NCALD: variants seen among roughly 807,000 people sequenced by gnomAD.
NCALD encodes the protein neurocalcin-delta.
In NCALD, 10 loss-of-function variants were observed where a neutral mutation model predicts 18.6. That is an observed-to-expected ratio of 0.54 (90% CI 0.33 to 0.91). NCALD has a LOEUF of 0.91. Ranked by LOEUF, NCALD falls within the 40% of genes least tolerant of loss-of-function variation. The pLI is 0.03. For synonymous variants in NCALD, 88 were observed against 87.4 expected, an observed-to-expected ratio of 1.01 and a Z score of -0.04; for missense variants, 184 against 247.6, an observed-to-expected ratio of 0.74 and a Z score of 1.72.
At position 101,804,336 on chromosome 8, in the gene NCALD, C is replaced by A. The variant is rs867551304; in HGVS notation, c.-20+82805G>T. 7.2e-4 allele frequency among the ~76,000 whole-genome samples: 94 copies of A among 131,094 alleles called. No individual in the cohort carries two copies. In the East Asian group the frequency reaches 9.4e-3, roughly 13 times the overall value. The allele number at this position is 131,094 out of a possible 152,430, so 86.0% of individuals were successfully genotyped here. A position where few individuals can be genotyped will look rare whatever the true frequency, so the allele number is the denominator to read the frequency against. On this transcript the variant is annotated intron_variant, in intron 4 of 6. Coordinates refer to the NCALD transcript ENST00000311028. The stretch of plus-strand genomic sequence containing the variant: ...AATTATATATTATATATAATTATAT[C>A]AATTATATATTATATATAATTATAT...
At chr8:101,887,998 A>G (rs886094956) in intron 3 of NCALD, among the ~76,000 whole-genome samples, 11 of 152,146 alleles carry the variant, frequency 7.2e-5, no homozygotes, top group African/African-American at 2.7e-4. Flanking sequence ...AAGATCATAT[A>G]TCTATCATCC....
At chr8:101,751,383 G>T (rs1049228156) in intron 1 of NCALD, among the ~76,000 whole-genome samples, 43 of 152,258 alleles carry the variant, frequency 2.8e-4, no homozygotes, top group African/African-American at 1.0e-3. Flanking sequence ...TGTTTCACAG[G>T]TACATAGTTT....
At chr8:102,041,432 AG>A in intron 1 of NCALD, among the ~76,000 whole-genome samples, 1 of 152,262 alleles carries the variant, frequency 6.6e-6, no homozygotes, top group Middle Eastern at 3.2e-3. Context: ...AAATGCCTGC[AG>A]GATGTGTGCA....
intron 2 of NCALD, among the ~76,000 whole-genome samples, chr8:101,924,659 G>C (rs1242973676): frequency 6.6e-6 from 1 of 152,204 alleles, no homozygotes; most frequent in African/African-American, 2.4e-5. Context: ...GGACCAGAGA[G>C]CTGTGTCAAT....
In NCALD at chr8:101,697,293, G is replaced by A. The variant is rs573244983; in HGVS notation, c.379-4397C>T. Among the ~76,000 whole-genome samples the A allele has an allele frequency of 2.7e-3, 408 of 152,256 alleles. 1 individual carries two copies. Among genetic ancestry groups the A allele is most frequent in the Non-Finnish European group, 3.5e-3 (235 of 68,016 alleles). ...ACCAATAACAAGTTCTGAAATTGAG[G>A]CAGTAATTAATAGCCTACCAACCTA... On this transcript the variant is annotated intron_variant, in intron 2 of 3. Coordinates refer to ENST00000220931, the MANE Select transcript of NCALD (RefSeq NM_032041.3).
chr8:101,967,444 C>A (rs1261076643), intron 2 of NCALD, among the ~76,000 whole-genome samples: 1 of 152,058 alleles, frequency 6.6e-6, no homozygotes, highest in Admixed American at 6.5e-5. Context: ...CCTGAGAAAC[C>A]CTTGTTCGGA....
At chr8:101,829,580 C>T (rs1814083577) in intron 4 of NCALD, among the ~76,000 whole-genome samples, 2 of 152,054 alleles carry the variant, frequency 1.3e-5, no homozygotes, top group South Asian at 4.1e-4. Flanking sequence ...CCTAGGTTTT[C>T]CATAAAACAT....
intron 1 of NCALD, among the ~76,000 whole-genome samples, chr8:101,780,296 A>C (rs911718958): frequency 6.6e-6 from 1 of 152,144 alleles, no homozygotes; most frequent in African/African-American, 2.4e-5. Flanking sequence ...CACATGCTTC[A>C]GCCTACCATC....
chr8:101,891,923 G>T (rs1816911791), intron 3 of NCALD, among the ~76,000 whole-genome samples: 3 of 152,210 alleles, frequency 2.0e-5, no homozygotes. Flanking sequence ...CAAGGCGGCA[G>T]CGAGGCTGGG....
chr8:101,794,833 T>G (rs1488224736), upstream of NCALD, among the ~76,000 whole-genome samples: 1 of 152,222 alleles, frequency 6.6e-6, no homozygotes, highest in Non-Finnish European at 1.5e-5. Context: ...ATAATTTACA[T>G]TTGATATGCT....
At chr8:101,815,621 G>A (rs544276279) in intron 4 of NCALD, among the ~76,000 whole-genome samples, 3 of 152,190 alleles carry the variant, frequency 2.0e-5, no homozygotes, top group South Asian at 2.1e-4. Flanking sequence ...CTATTAGAAC[G>A]CCCAAAATAT....
In NCALD at chr8:102,099,034, G is replaced by A. The variant is rs1171443799; in HGVS notation, c.-210+25203C>T. Among the ~76,000 whole-genome samples, 5 of 152,342 alleles carry A rather than the reference G, an allele frequency of 3.3e-5. No homozygotes were observed. The South Asian group carries it at 1.0e-3, about 32-fold the overall frequency. On this transcript the variant is annotated intron_variant, in intron 1 of 6. Transcript: ENST00000311028. Reference sequence around the variant, plus strand: ...GCTTCCCTATTGGAGAGAACCAACTGAGAATTCGGTCAACACAGATGAAAG... The same window carrying A: ...GCTTCCCTATTGGAGAGAACCAACTAAGAATTCGGTCAACACAGATGAAAG...
At chr8:102,057,381 A>G in intron 1 of NCALD, among the ~76,000 whole-genome samples, 1 of 152,186 alleles carries the variant, frequency 6.6e-6, no homozygotes, top group East Asian at 1.9e-4. Context: ...GAAGAGTGCT[A>G]TTTATAGACT....
chr8:101,980,114 T>G (rs186109528), intron 2 of NCALD, among the ~76,000 whole-genome samples: 1 of 152,086 alleles, frequency 6.6e-6, no homozygotes, highest in African/African-American at 2.4e-5. Context: ...CTGGAAGCCA[T>G]GTACAGTGGC....
chr8:101,783,395 C>T (rs1005817761), intron 1 of NCALD, among the ~76,000 whole-genome samples: 1 of 152,170 alleles, frequency 6.6e-6, no homozygotes, highest in Admixed American at 6.6e-5. Context: ...AATGGGACAG[C>T]TGCCATTTTG....
At chr8:102,060,261 A>G (rs62523002) in intron 1 of NCALD, among the ~76,000 whole-genome samples, 29,130 of 152,192 alleles carry the variant, frequency 0.19, 3,555 homozygotes, top group Non-Finnish European at 0.28. Flanking sequence ...GATTACAGGC[A>G]TGAGCCACTG....
At chr8:102,010,334 C>T (rs920149667) in intron 2 of NCALD, among the ~76,000 whole-genome samples, 1 of 152,144 alleles carries the variant, frequency 6.6e-6, no homozygotes, top group Non-Finnish European at 1.5e-5. Flanking sequence ...TGCCACTGAC[C>T]CCAAATAGTT....
At chr8:101,986,643 G>C (rs1440336230) in intron 2 of NCALD, 2 of 152,318 alleles carry the variant, frequency 1.3e-5, no homozygotes, top group African/African-American at 4.8e-5. Context: ...CAGCATCAAG[G>C]GCAGGGCCAT....
chr8:101,916,624 A>G (rs1273099685), intron 2 of NCALD, among the ~76,000 whole-genome samples: 1 of 152,104 alleles, frequency 6.6e-6, no homozygotes, highest in Non-Finnish European at 1.5e-5. Flanking sequence ...TCTTCAAGAG[A>G]CCCATAGGCT....
Sources: allele counts gnomAD v4.1 joint callset (sites outside exome capture counted in the v4.1 genomes callset), GRCh38; gene constraint gnomAD v4.1.1; transcripts MANE v1.5; gene names NCBI Gene and HGNC (gene_info 2026-07-23, HGNC 2026-07-21).